MEI4: variants seen among roughly 807,000 people sequenced by gnomAD.
MEI4 encodes meiotic double-stranded break formation protein 4.
MEI4 carries 27 observed loss-of-function variants against 31.4 expected under a neutral mutation model. The observed-to-expected ratio is 0.86, with a 90% CI of 0.63 to 1.19. MEI4 has a LOEUF of 1.19. Ranked by LOEUF, MEI4 falls within the 50% of genes most tolerant of loss-of-function variation. The probability of loss-of-function intolerance (pLI) is 0.00; values close to 1 mark genes in which losing one functional copy is unlikely to be tolerated. For synonymous variants in MEI4, 122 were observed against 145.4 expected, an observed-to-expected ratio of 0.84 and a Z score of 1.16; for missense variants, 329 against 398.9, an observed-to-expected ratio of 0.82 and a Z score of 1.49.
rs530932272 is a variant in MEI4 at position 77,746,160 on chromosome 6, CA to C, written c.233-14963del. Among the ~76,000 whole-genome samples the C allele has an allele frequency of 1.4e-3, 219 of 152,162 alleles. 1 individual carries two copies. Among genetic ancestry groups the C allele is most frequent in the African/African-American group, 4.6e-3 (191 of 41,510 alleles). ...GGAAATAGAGACACAAAAAACCCTT[CA>C]AAAAAACTACTGAATCCAGGAGCCG... On this transcript the variant is annotated intron_variant, in intron 2 of 4. Transcript: ENST00000684080.
chr6:77,782,947 A>C (rs2127691774), intron 3 of MEI4, among the ~76,000 whole-genome samples: 1 of 152,264 alleles, frequency 6.6e-6, no homozygotes, highest in Non-Finnish European at 1.5e-5. Flanking sequence ...TTCTCCTTAG[A>C]GCTTTTGCCT....
chr6:77,908,868 C>T (rs1237197799), intron 4 of MEI4, among the ~76,000 whole-genome samples: 2 of 151,974 alleles, frequency 1.3e-5, no homozygotes, highest in African/African-American at 4.8e-5. Flanking sequence ...TAGATACCTA[C>T]AAAGAGAGAG....
chr6:77,742,458 T>C lies in MEI4; in HGVS notation c.233-18672T>C, dbSNP rs1328632426. 9.8e-5 allele frequency among the ~76,000 whole-genome samples: 15 copies of C among 152,322 alleles called. 2 individuals are homozygous for C. The East Asian group carries it at 2.9e-3, about 29-fold the overall frequency. ...CTGTTCATGTCCTTTGCCCACTTTTTGATGGGGTTGTTTGTTTTTTCTTGT... is the reference window on the plus strand; with the variant it reads ...CTGTTCATGTCCTTTGCCCACTTTTCGATGGGGTTGTTTGTTTTTTCTTGT... On this transcript the variant is annotated intron_variant, in intron 2 of 4. Coordinates refer to ENST00000684080, the MANE Select transcript of MEI4 (RefSeq NM_001322247.2).
chr6:77,793,336 C>A (rs1216837835), intron 3 of MEI4, among the ~76,000 whole-genome samples: 2 of 152,006 alleles, frequency 1.3e-5, no homozygotes, highest in Non-Finnish European at 2.9e-5. Flanking sequence ...AAAGAGAGTC[C>A]CAAAGAAAAG....
intron 2 of MEI4, among the ~76,000 whole-genome samples, chr6:77,754,500 A>T (rs759535148): frequency 4.7e-4 from 72 of 152,182 alleles, no homozygotes; most frequent in Non-Finnish European, 6.9e-4. Context: ...AAACTTTCTG[A>T]CATCTTCCTG....
intron 3 of MEI4, among the ~76,000 whole-genome samples, chr6:77,785,739 C>T (rs1030392543): frequency 3.9e-5 from 6 of 151,986 alleles, no homozygotes; most frequent in East Asian, 1.9e-4. Flanking sequence ...TGCTTTTCTT[C>T]GTTAGAGAGC....
chr6:77,850,904 A>T (rs568397455), intron 4 of MEI4, among the ~76,000 whole-genome samples: 3 of 152,224 alleles, frequency 2.0e-5, no homozygotes, highest in Non-Finnish European at 4.4e-5. Context: ...AAGGGCTAAT[A>T]TCCAGAATCT....
At chr6:77,874,367 A>G (rs1387485550) in intron 4 of MEI4, among the ~76,000 whole-genome samples, 4 of 152,184 alleles carry the variant, frequency 2.6e-5, no homozygotes, top group Non-Finnish European at 2.9e-5. Context: ...CTTTGAAGCA[A>G]TTGTGAATGG....
chr6:77,732,521 AT>A (rs1044680192), intron 2 of MEI4, among the ~76,000 whole-genome samples: 7 of 149,756 alleles, frequency 4.7e-5, no homozygotes, highest in African/African-American at 7.3e-5. Flanking sequence ...GCTTAAGGAG[AT>A]TTTGGGCTGA....
chr6:77,787,743 A>T (rs1383299475), intron 3 of MEI4, among the ~76,000 whole-genome samples: 1 of 152,216 alleles, frequency 6.6e-6, no homozygotes, highest in African/African-American at 2.4e-5. Context: ...ACCTGAAAAA[A>T]TTTCAAAATA....
chr6:77,769,660 C>T (rs886875254), intron 3 of MEI4, among the ~76,000 whole-genome samples: 1 of 152,010 alleles, frequency 6.6e-6, no homozygotes, highest in African/African-American at 2.4e-5. Flanking sequence ...TCCAGCCCAT[C>T]CACAGTAGAA....
chr6:77,909,380 C>T (rs917406280), intron 4 of MEI4, among the ~76,000 whole-genome samples: 6 of 152,042 alleles, frequency 3.9e-5, no homozygotes, highest in African/African-American at 7.2e-5. Flanking sequence ...GGGGATATCA[C>T]CACCGATCCC....
chr6:77,766,682 G>A (rs1200193062), intron 3 of MEI4, among the ~76,000 whole-genome samples: 2 of 152,092 alleles, frequency 1.3e-5, no homozygotes, highest in Non-Finnish European at 2.9e-5. Context: ...AAAGTGCTGG[G>A]ATTACAGGCG....
chr6:77,779,323 C>T (rs993757084), intron 3 of MEI4, among the ~76,000 whole-genome samples: 4 of 152,184 alleles, frequency 2.6e-5, no homozygotes, highest in Middle Eastern at 3.2e-3. Flanking sequence ...AAGGTAAGAA[C>T]TGAAAGGTGT....
intron 1 of MEI4, among the ~76,000 whole-genome samples, chr6:77,683,929 T>C (rs764980337): frequency 1.3e-5 from 2 of 152,184 alleles, no homozygotes; most frequent in African/African-American, 2.4e-5. Context: ...ATATGGTAGT[T>C]GTATTTTGAG....
intron 3 of MEI4, among the ~76,000 whole-genome samples, chr6:77,822,744 C>T (rs902675975): frequency 2.0e-5 from 3 of 151,368 alleles, no homozygotes; most frequent in Non-Finnish European, 4.4e-5. Flanking sequence ...CTCAGCCTCC[C>T]GAGTAGCTGG....
chr6:77,777,585 A>T (rs930793880), intron 3 of MEI4, among the ~76,000 whole-genome samples: 4 of 152,210 alleles, frequency 2.6e-5, no homozygotes, highest in African/African-American at 9.6e-5. Context: ...AGGAAAAAAG[A>T]GCAGCCAAAT....
intron 4 of MEI4, among the ~76,000 whole-genome samples, chr6:77,900,460 T>C (rs890834979): frequency 2.6e-5 from 4 of 151,984 alleles, no homozygotes. Context: ...CTCTAGACTA[T>C]AGAAATTATA....
At position 77,849,828 on chromosome 6, in the gene MEI4, T is replaced by A. The variant is rs80236650; in HGVS notation, c.900+20766T>A. The stretch of plus-strand genomic sequence containing the variant: ...TTGATGTCAATATGTCACTTTTTGG[T>A]GGAATTGCTACTTTATACAATATTT... On this transcript the variant is annotated intron_variant, in intron 4 of 4. Coordinates refer to ENST00000684080, the MANE Select transcript of MEI4 (RefSeq NM_001322247.2). 2.3e-3 allele frequency among the ~76,000 whole-genome samples: 352 copies of A among 152,286 alleles called. 3 individuals are homozygous for A. The highest frequency in any genetic ancestry group is 0.022 in the East Asian group (114 of 5,182).
Sources: gnomAD v4.1 joint callset for allele counts (sites outside exome capture counted in the v4.1 genomes callset) on GRCh38, gnomAD v4.1.1 for gene constraint, MANE v1.5 for transcripts, NCBI Gene and HGNC (gene_info 2026-07-23, HGNC 2026-07-21) for gene names.